PTPN9: variants seen among roughly 807,000 people sequenced by gnomAD.
PTPN9 encodes protein tyrosine phosphatase non-receptor type 9.
PTPN9 carries 26 observed loss-of-function variants against 69.8 expected under a neutral mutation model. The ratio of observed to expected loss-of-function variants is 0.37; its 90% confidence interval spans 0.27 to 0.52. The LOEUF (loss-of-function observed/expected upper bound fraction) is 0.52, where lower values mean the gene tolerates loss of function less well. Among genes scored for constraint, PTPN9 ranks in the 20% least tolerant of loss-of-function variants. The pLI, the probability that PTPN9 is intolerant of heterozygous loss-of-function variation, is 0.91. For synonymous variants in PTPN9, 274 were observed against 272.5 expected, an observed-to-expected ratio of 1.01 and a Z score of -0.05; for missense variants, 549 against 740.3, an observed-to-expected ratio of 0.74 and a Z score of 3.00.
intron 8 of PTPN9, among the ~76,000 whole-genome samples, chr15:75,486,025 G>A (rs531374982): frequency 1.3e-5 from 2 of 151,366 alleles, no homozygotes; most frequent in African/African-American, 2.4e-5. Context: ...GCACGAACCC[G>A]GGAGGTGGAG....
chr15:75,551,841 C>T (rs1001762279), intron 1 of PTPN9, among the ~76,000 whole-genome samples: 2 of 151,472 alleles, frequency 1.3e-5, no homozygotes, highest in Non-Finnish European at 2.9e-5. Flanking sequence ...GTTTTGAGAC[C>T]AGCCTGAACA....
chr15:75,513,466 T>C (rs1414478642), intron 5 of PTPN9: 5 of 451,672 alleles, frequency 1.1e-5, no homozygotes, highest in Admixed American at 2.4e-5. Flanking sequence ...ACATGTCAGA[T>C]TGAGAATCAG....
intron 8 of PTPN9, among the ~76,000 whole-genome samples, chr15:75,489,470 T>C (rs1437916373): frequency 6.6e-6 from 1 of 152,136 alleles, no homozygotes; most frequent in African/African-American, 2.4e-5. Flanking sequence ...ACACCTGTGG[T>C]CTCAGCTACT....
chr15:75,497,802 CAAA>C (rs879944894), intron 7 of PTPN9, among the ~76,000 whole-genome samples: 12 of 72,208 alleles, frequency 1.7e-4, no homozygotes, highest in Admixed American at 1.5e-4. Context: ...AACTCTGTCT[CAAA>C]AAAAAAAAAA....
intron 4 of PTPN9, among the ~76,000 whole-genome samples, chr15:75,520,915 C>G (rs903377048): frequency 5.3e-5 from 8 of 151,380 alleles, no homozygotes; most frequent in Non-Finnish European, 1.2e-4. Context: ...GATGATCCTC[C>G]CAGGGCTCAG....
At chr15:75,469,554 G>A (rs955180089) in intron 12 of PTPN9, among the ~76,000 whole-genome samples, 5 of 152,232 alleles carry the variant, frequency 3.3e-5, no homozygotes, top group Non-Finnish European at 7.3e-5. Context: ...GACAGAGTCA[G>A]CGTTATGATG....
Position 75,482,828 on chromosome 15 carries a change from G to A in PTPN9, c.1063-2914C>T, listed in dbSNP as rs376321406. ...AAAATAGCTGGGCGTGGTGGCAGGC[G>A]CCTGTAGTCCCAGCTACACGGGAGG... On this transcript the variant is annotated intron_variant, in intron 8 of 12. Transcript: ENST00000618819. Among the ~76,000 whole-genome samples, 166 of 151,742 alleles carry A rather than the reference G, an allele frequency of 1.1e-3. 1 individual carries two copies. The highest frequency in any genetic ancestry group is 6.8e-3 in the Middle Eastern group (2 of 294).
At chr15:75,547,017 C>G (rs1468691651) in intron 1 of PTPN9, among the ~76,000 whole-genome samples, 1 of 151,968 alleles carries the variant, frequency 6.6e-6, no homozygotes, top group African/African-American at 2.4e-5. Flanking sequence ...TGTGCCAGGC[C>G]AGGCACGGTG....
In PTPN9 at chr15:75,538,216, T is replaced by C. The variant is rs75648618; in HGVS notation, c.64-10955A>G. 6.2e-3 allele frequency among the ~76,000 whole-genome samples: 942 copies of C among 152,098 alleles called. 18 individuals carry two copies. Among genetic ancestry groups the C allele is most frequent in the African/African-American group, 0.022 (895 of 41,504 alleles). ...ATGTTAACAGGAAAGGAAAAAAAAGTATATAACCTTCTCAACAGATGCTGA... is the reference window on the plus strand; with the variant it reads ...ATGTTAACAGGAAAGGAAAAAAAAGCATATAACCTTCTCAACAGATGCTGA... On this transcript the variant is annotated intron_variant, in intron 1 of 12. Transcript: ENST00000618819.
At chr15:75,503,579 G>T (rs1275491531) in intron 7 of PTPN9, among the ~76,000 whole-genome samples, 2 of 96,140 alleles carry the variant, frequency 2.1e-5, no homozygotes, top group African/African-American at 3.6e-5. Flanking sequence ...CAGCCGCTCC[G>T]TCCGGGAGGG....
chr15:75,505,636 C>G (rs752510190), intron 7 of PTPN9, 39 bp downstream of exon 7: 2 of 1,521,778 alleles, frequency 1.3e-6, no homozygotes. Flanking sequence ...CCAGAAGCAT[C>G]CTGGTAACCA....
intron 7 of PTPN9, among the ~76,000 whole-genome samples, chr15:75,504,173 G>T (rs2074797846): frequency 7.8e-6 from 1 of 127,590 alleles, no homozygotes; most frequent in Non-Finnish European, 1.7e-5. Context: ...CCGGGAGGGA[G>T]GTGGGGGGGT....
At chr15:75,480,280 A>G (rs1474014101) in intron 8 of PTPN9, among the ~76,000 whole-genome samples, 2 of 152,132 alleles carry the variant, frequency 1.3e-5, no homozygotes, top group Non-Finnish European at 2.9e-5. Context: ...GTAAGTGACA[A>G]AAGAAAAGAG....
At chr15:75,497,353 G>A (rs1369451485) in intron 7 of PTPN9, among the ~76,000 whole-genome samples, 1 of 151,882 alleles carries the variant, frequency 6.6e-6, no homozygotes, top group African/African-American at 2.4e-5. Context: ...TTAGCAAGGT[G>A]TGGCACCCCA....
intron 7 of PTPN9, among the ~76,000 whole-genome samples, chr15:75,504,517 G>T (rs200312445): frequency 7.4e-6 from 1 of 135,540 alleles, no homozygotes; most frequent in African/African-American, 2.8e-5. Flanking sequence ...GAGGTGGGGG[G>T]GGTCAGCCCC....
chr15:75,567,197 T>C (rs2075130293), intron 1 of PTPN9, among the ~76,000 whole-genome samples: 1 of 152,024 alleles, frequency 6.6e-6, no homozygotes, highest in Non-Finnish European at 1.5e-5. Context: ...TTTGTATTTT[T>C]AGTAGAGACG....
At chr15:75,566,169 C>T (rs964068827) in intron 1 of PTPN9, among the ~76,000 whole-genome samples, 5 of 151,570 alleles carry the variant, frequency 3.3e-5, no homozygotes, top group African/African-American at 7.3e-5. Flanking sequence ...AATAAAACAC[C>T]GAGAGCCACA....
At chr15:75,522,500 C>T (rs2074909912) in intron 4 of PTPN9, among the ~76,000 whole-genome samples, 1 of 151,854 alleles carries the variant, frequency 6.6e-6, no homozygotes, top group Non-Finnish European at 1.5e-5. Context: ...AGTGATCCTC[C>T]CACCTCAGCA....
At chr15:75,547,238 T>C (rs2075036942) in intron 1 of PTPN9, among the ~76,000 whole-genome samples, 1 of 140,472 alleles carries the variant, frequency 7.1e-6, no homozygotes, top group South Asian at 2.2e-4. Flanking sequence ...GAGGTTGCAG[T>C]GAGCTGAGAT....
Sources: gnomAD v4.1 joint callset for allele counts (sites outside exome capture counted in the v4.1 genomes callset) on GRCh38, gnomAD v4.1.1 for gene constraint, MANE v1.5 for transcripts, NCBI Gene and HGNC (gene_info 2026-07-23, HGNC 2026-07-21) for gene names.